The following CPA6 variants were observed in gnomAD, a reference collection of about 807,000 sequenced individuals.
CPA6 encodes carboxypeptidase B.
CPA6 carries 58 observed loss-of-function variants against 63.3 expected under a neutral mutation model. The ratio of observed to expected loss-of-function variants is 0.92; its 90% CI spans 0.74 to 1.14. CPA6 has a LOEUF of 1.14. Ranked by LOEUF, CPA6 falls within the 50% of genes most tolerant of loss-of-function variation. The pLI is 0.00. For synonymous variants in CPA6, 185 were observed against 179.0 expected (o/e 1.03, Z -0.27); for missense variants, 565 against 526.6 (o/e 1.07, Z -0.71).
chr8:67,672,069 A>G (rs1337197700), intron 1 of CPA6, among the ~76,000 whole-genome samples: 2 of 152,086 alleles, frequency 1.3e-5, no homozygotes, highest in African/African-American at 2.4e-5. Flanking sequence ...ACCTCATGTG[A>G]TCCACCTGTC....
intron 1 of CPA6, among the ~76,000 whole-genome samples, chr8:67,650,423 T>C (rs1815810097): frequency 6.6e-6 from 1 of 152,152 alleles, no homozygotes. Flanking sequence ...AGGCTTCCCT[T>C]ACTGTCACAA....
At chr8:67,716,860 T>C (rs1433595420) in intron 1 of CPA6, among the ~76,000 whole-genome samples, 1 of 152,178 alleles carries the variant, frequency 6.6e-6, no homozygotes, top group East Asian at 1.9e-4. Context: ...CTGTTCATAG[T>C]AGCTGAAAAA....
rs143013534 is a variant in CPA6, at chr8:67,539,009, T to C, written c.193-20962A>G. 7.5e-3 allele frequency among the ~76,000 whole-genome samples: 1,136 copies of C among 152,348 alleles called. 12 individuals carry two copies. The highest frequency in any genetic ancestry group is 0.026 in the African/African-American group (1,065 of 41,574). On this transcript the variant is annotated intron_variant, in intron 2 of 10. Coordinates refer to ENST00000297770, the MANE Select transcript of CPA6 (RefSeq NM_020361.5). ...TTAACCCATTTACATTTATGATTAA[T>C]GATGTTATGTGTGAATTTGATCCTG...
intron 8 of CPA6, among the ~76,000 whole-genome samples, chr8:67,435,600 G>A (rs1191347231): frequency 2.0e-5 from 3 of 151,416 alleles, no homozygotes; most frequent in Admixed American, 2.0e-4. Context: ...GGAGCTGCCT[G>A]ACTCAGTGTG....
At chr8:67,497,129 A>C (rs1811737931) in intron 6 of CPA6, among the ~76,000 whole-genome samples, 4 of 152,190 alleles carry the variant, frequency 2.6e-5, no homozygotes, top group South Asian at 2.1e-4. Flanking sequence ...CAGAATATAA[A>C]ATTCACCATT....
chr8:67,686,336 T>TTTTC (rs1405470347), intron 1 of CPA6, among the ~76,000 whole-genome samples: 26 of 152,342 alleles, frequency 1.7e-4, no homozygotes, highest in African/African-American at 6.3e-4. Context: ...TTTTTCATCA[T>TTTTC]ATATTCCCCT....
chr8:67,641,829 AG>A, intron 1 of CPA6, among the ~76,000 whole-genome samples: 1 of 152,322 alleles, frequency 6.6e-6, no homozygotes, highest in East Asian at 1.9e-4. Context: ...TAAAAAAAAA[AG>A]TAACAGTTAT....
intron 8 of CPA6, 118 bp downstream of exon 8, chr8:67,483,650 C>A (rs746124106): frequency 2.4e-6 from 2 of 833,722 alleles, no homozygotes; most frequent in Admixed American, 1.7e-5. Context: ...CCTTTCTCTA[C>A]CAGGTTTTCA....
intron 1 of CPA6, among the ~76,000 whole-genome samples, chr8:67,637,556 T>C (rs891652957): frequency 6.6e-6 from 1 of 151,552 alleles, no homozygotes; most frequent in East Asian, 1.9e-4. Flanking sequence ...AAACTATTTA[T>C]TCAATATTTA....
intron 6 of CPA6, among the ~76,000 whole-genome samples, chr8:67,499,939 A>G (rs529542716): frequency 6.6e-6 from 1 of 152,328 alleles, no homozygotes; most frequent in African/African-American, 2.4e-5. Context: ...GCTACTAAAA[A>G]TAAAGATGCT....
intron 1 of CPA6, among the ~76,000 whole-genome samples, chr8:67,738,764 TAAA>T (rs33932980): frequency 0.82 from 123,832 of 151,390 alleles, 50,851 homozygotes; most frequent in Admixed American, 0.86. Context: ...TATTACGCAT[TAAA>T]GCACTGTACC....
At chr8:67,657,376 T>C (rs920014469) in intron 1 of CPA6, among the ~76,000 whole-genome samples, 1 of 152,202 alleles carries the variant, frequency 6.6e-6, no homozygotes, top group Non-Finnish European at 1.5e-5. Flanking sequence ...ATATAATTCT[T>C]AACTAGGACA....
chr8:67,594,254 C>T (rs1409089116), intron 2 of CPA6, among the ~76,000 whole-genome samples: 1 of 152,198 alleles, frequency 6.6e-6, no homozygotes, highest in Non-Finnish European at 1.5e-5. Flanking sequence ...GAGAGATCCG[C>T]TGTTAGTCTG....
intron 2 of CPA6, among the ~76,000 whole-genome samples, chr8:67,538,083 C>G (rs751356061): frequency 2.0e-5 from 3 of 152,112 alleles, no homozygotes; most frequent in Non-Finnish European, 4.4e-5. Flanking sequence ...TTTGCATTTG[C>G]TGAGGAATGT....
intron 1 of CPA6, among the ~76,000 whole-genome samples, chr8:67,712,641 T>A (rs950985131): frequency 6.6e-6 from 1 of 152,162 alleles, no homozygotes; most frequent in African/African-American, 2.4e-5. Flanking sequence ...TTTGGGATAC[T>A]CAGAAAGCCT....
intron 1 of CPA6, among the ~76,000 whole-genome samples, chr8:67,695,080 C>T (rs571224813): frequency 1.3e-5 from 2 of 152,222 alleles, no homozygotes; most frequent in African/African-American, 4.8e-5. Context: ...ACAGTGACCT[C>T]ATCAGGGGAG....
intron 1 of CPA6, among the ~76,000 whole-genome samples, chr8:67,681,204 T>TTTTTTTTTTC (rs1563390584): frequency 3.8e-5 from 4 of 106,186 alleles, no homozygotes; most frequent in African/African-American, 2.2e-4. Context: ...GATTTTCTTT[T>TTTTTTTTTTC]TTTTTTTTTT....
intron 6 of CPA6, among the ~76,000 whole-genome samples, chr8:67,487,135 A>C (rs1261675032): frequency 6.6e-6 from 1 of 152,188 alleles, no homozygotes; most frequent in African/African-American, 2.4e-5. Flanking sequence ...TACATGTGCC[A>C]TGTTGGTTTG....
intron 2 of CPA6, among the ~76,000 whole-genome samples, chr8:67,548,486 G>A (rs1197563259): frequency 6.6e-6 from 1 of 151,670 alleles, no homozygotes; most frequent in South Asian, 2.1e-4. Flanking sequence ...TTTTCCTCAG[G>A]TGATCTGCTC....
Sources: gnomAD v4.1 joint callset for allele counts (sites outside exome capture counted in the v4.1 genomes callset) on GRCh38, gnomAD v4.1.1 for gene constraint, MANE v1.5 for transcripts, NCBI Gene and HGNC (gene_info 2026-07-23, HGNC 2026-07-21) for gene names.